RSRC1: variants seen among roughly 807,000 people sequenced by gnomAD.
RSRC1 encodes serine/Arginine-related protein 53.
A neutral mutation model predicts 49.1 loss-of-function variants in RSRC1; 39 were observed. That is an observed-to-expected ratio of 0.79 (90% CI 0.61 to 1.04). RSRC1 has a LOEUF of 1.04. Among genes scored for constraint, RSRC1 ranks in the 50% least tolerant of loss-of-function variants. The pLI is 0.00. For missense variants in RSRC1, 388 were observed against 402.4 expected (o/e 0.96, Z 0.31); for synonymous variants, 143 against 130.8 (o/e 1.09, Z -0.63).
intron 6 of RSRC1, among the ~76,000 whole-genome samples, chr3:158,415,837 G>A (rs1231279604): frequency 6.6e-6 from 1 of 151,924 alleles, no homozygotes; most frequent in Non-Finnish European, 1.5e-5. Context: ...CTCATTAATA[G>A]CAATATTTCC....
At chr3:158,464,328 G>T (rs1737769931) in intron 7 of RSRC1, among the ~76,000 whole-genome samples, 2 of 152,146 alleles carry the variant, frequency 1.3e-5, no homozygotes, top group African/African-American at 2.4e-5. Context: ...GTCTTTCTTT[G>T]CATTTGACTT....
At chr3:158,189,227 G>A (rs182453782) in intron 3 of RSRC1, among the ~76,000 whole-genome samples, 2 of 151,858 alleles carry the variant, frequency 1.3e-5, no homozygotes, top group Admixed American at 1.3e-4. Context: ...GGCTACCTTC[G>A]TGGCCCGCCA....
At chr3:158,195,881 T>C (rs1171590212) in intron 3 of RSRC1, among the ~76,000 whole-genome samples, 1 of 152,092 alleles carries the variant, frequency 6.6e-6, no homozygotes, top group Non-Finnish European at 1.5e-5. Context: ...AGCAGTACCA[T>C]GCTGTTCTGG....
intron 5 of RSRC1, among the ~76,000 whole-genome samples, chr3:158,326,588 T>A (rs561728668): frequency 6.6e-6 from 1 of 152,182 alleles, no homozygotes; most frequent in Admixed American, 6.5e-5. Flanking sequence ...GCCAACTAGA[T>A]CATGGTGGAT....
intron 5 of RSRC1, among the ~76,000 whole-genome samples, chr3:158,335,953 C>G (rs530026944): frequency 3.9e-5 from 6 of 152,280 alleles, no homozygotes; most frequent in African/African-American, 1.2e-4. Flanking sequence ...CTTGAGGCCT[C>G]TAGATTAAGT....
chr3:158,462,291 C>CA (rs1737655840), intron 7 of RSRC1, among the ~76,000 whole-genome samples: 1 of 151,814 alleles, frequency 6.6e-6, no homozygotes, highest in South Asian at 2.1e-4. Flanking sequence ...GCCCATAGTA[C>CA]AAACAGACAT....
At chr3:158,468,402 T>C (rs1050763032) in intron 7 of RSRC1, among the ~76,000 whole-genome samples, 1 of 152,240 alleles carries the variant, frequency 6.6e-6, no homozygotes, top group East Asian at 1.9e-4. Flanking sequence ...ATCTTGATTC[T>C]GTTATCCTGA....
intron 7 of RSRC1, among the ~76,000 whole-genome samples, chr3:158,515,314 C>T (rs1740452316): frequency 6.8e-6 from 1 of 147,874 alleles, no homozygotes; most frequent in African/African-American, 2.5e-5. Context: ...AATCTCTCAG[C>T]ATTTGCTTGT....
intron 7 of RSRC1, among the ~76,000 whole-genome samples, chr3:158,515,955 C>G (rs1740500800): frequency 6.6e-6 from 1 of 150,892 alleles, no homozygotes; most frequent in Non-Finnish European, 1.5e-5. Flanking sequence ...TCCATCAGCT[C>G]CTTTAAGCAC....
chr3:158,184,220 A>G (rs1578174005), intron 3 of RSRC1, among the ~76,000 whole-genome samples: 1 of 152,080 alleles, frequency 6.6e-6, no homozygotes, highest in Non-Finnish European at 1.5e-5. Context: ...CATGGAACAA[A>G]ACCTTAAAGA....
intron 4 of RSRC1, among the ~76,000 whole-genome samples, chr3:158,240,391 AT>A (rs1723502463): frequency 6.6e-6 from 1 of 152,070 alleles, no homozygotes; most frequent in Non-Finnish European, 1.5e-5. Context: ...ATCAATTGAA[AT>A]TTTTGTAGTT....
chr3:158,367,492 G>T (rs1435057219), intron 6 of RSRC1, among the ~76,000 whole-genome samples: 1 of 152,148 alleles, frequency 6.6e-6, no homozygotes, highest in African/African-American at 2.4e-5. Context: ...AAGCTGACTT[G>T]ATCATGGTGG....
chr3:158,527,317 C>G (rs1425267617), intron 7 of RSRC1, among the ~76,000 whole-genome samples: 1 of 151,764 alleles, frequency 6.6e-6, no homozygotes, highest in Admixed American at 6.6e-5. Context: ...TAAAAACTTG[C>G]AAACAGAGGC....
At chr3:158,225,960 A>G (rs1474536423) in intron 4 of RSRC1, among the ~76,000 whole-genome samples, 1 of 151,950 alleles carries the variant, frequency 6.6e-6, no homozygotes, top group Non-Finnish European at 1.5e-5. Flanking sequence ...TATTATCAGC[A>G]CATAGTAACT....
At position 158,140,784 on chromosome 3, in the gene RSRC1, T is replaced by C. The variant is rs143212633; in HGVS notation, c.320+16793T>C. Among the ~76,000 whole-genome samples, 110 of 152,334 alleles carry C rather than the reference T, an allele frequency of 7.2e-4. 1 individual carries two copies. In the East Asian group the frequency reaches 0.017, roughly 23 times the overall value. On this transcript the variant is annotated intron_variant, in intron 3 of 9. Coordinates refer to ENST00000611884, the MANE Select transcript of RSRC1 (RefSeq NM_001271838.2). The stretch of plus-strand genomic sequence containing the variant: ...CATGTGGTATTTGTAGCCTTTGTGA[T>C]ATTGGGCAAGAAAAGATTAAAAAGA...
chr3:158,332,344 T>C (rs1729595306), intron 5 of RSRC1, among the ~76,000 whole-genome samples: 1 of 152,188 alleles, frequency 6.6e-6, no homozygotes, highest in Admixed American at 6.5e-5. Flanking sequence ...ATCATCTATA[T>C]CATTTTCACT....
intron 3 of RSRC1, among the ~76,000 whole-genome samples, chr3:158,160,712 G>T (rs1718164651): frequency 6.6e-6 from 1 of 152,170 alleles, no homozygotes; most frequent in South Asian, 2.1e-4. Flanking sequence ...TAAACATTTT[G>T]TGATGGTGTG....
At chr3:158,274,508 A>G (rs933547455) in intron 4 of RSRC1, among the ~76,000 whole-genome samples, 2 of 152,160 alleles carry the variant, frequency 1.3e-5, no homozygotes, top group African/African-American at 2.4e-5. Flanking sequence ...TGAACTTGCT[A>G]TGAGTACTTT....
intron 4 of RSRC1, among the ~76,000 whole-genome samples, chr3:158,230,257 G>C (rs947585934): frequency 6.6e-6 from 1 of 152,036 alleles, no homozygotes; most frequent in African/African-American, 2.4e-5. Flanking sequence ...CAAAAAAGTG[G>C]TATCATGTCC....
Sources: allele counts gnomAD v4.1 joint callset (sites outside exome capture counted in the v4.1 genomes callset), GRCh38; gene constraint gnomAD v4.1.1; transcripts MANE v1.5; gene names NCBI Gene and HGNC (gene_info 2026-07-23, HGNC 2026-07-21).